The following TENM1 variants were observed in gnomAD, a reference collection of about 807,000 sequenced individuals.
The protein encoded by TENM1 is teneurin-1.
A neutral mutation model predicts 174.8 loss-of-function variants in TENM1; 35 were observed. The observed-to-expected ratio is 0.20, with a 90% confidence interval of 0.15 to 0.27. The LOEUF is 0.27. TENM1 is among the 10% of genes least tolerant of loss of function. The pLI is 1.00. For synonymous variants in TENM1, 781 were observed against 798.7 expected, an observed-to-expected ratio of 0.98 and a Z score of 0.37; for missense variants, 1,633 against 2,130.1, an observed-to-expected ratio of 0.77 and a Z score of 4.59.
the TENM1 span, among the ~76,000 whole-genome samples, chrX:125,069,035 G>A: frequency 1.8e-5 from 2 of 111,322 alleles, no homozygotes; most frequent in Non-Finnish European, 3.8e-5. Flanking sequence ...TTTAGATGCA[G>A]GGGATACATG....
At chrX:125,053,924 C>A in the TENM1 span, among the ~76,000 whole-genome samples, 1 of 111,600 alleles carries the variant, frequency 9.0e-6, no homozygotes, top group Non-Finnish European at 1.9e-5. Context: ...CACCCACGCT[C>A]TAAACCACTA....
Position 124,520,787 on chromosome X carries a change from GAAAT to G in TENM1, c.3034-7_3034-4del. ...ATGGGAATTTCCTCCTGTACAACCT[GAAAT>G]AAAAAAAAAAAAAAAAAGCCAAATA... On this transcript the variant is annotated splice_polypyrimidine_tract_variant and splice_region_variant and intron_variant, in intron 17 of 31. Coordinates refer to ENST00000422452, the Ensembl canonical transcript of TENM1. 2.9e-6 allele frequency: 3 copies of G among 1,035,314 alleles called. No individual in the cohort carries two copies. Among genetic ancestry groups the G allele is most frequent in the Middle Eastern group, 3.1e-4 (1 of 3,269 alleles). The allele number at this position is 1,035,314 out of a possible 1,213,427, so 85.3% of individuals were successfully genotyped here.
At chrX:124,963,773 G>A in exon 1 of TENM1, 1 of 1,175,497 alleles carries the variant, frequency 8.5e-7, no homozygotes, top group Admixed American at 2.3e-5. Flanking sequence ...AGCAAGCTCA[G>A]TTTCATGAAA....
the TENM1 span, among the ~76,000 whole-genome samples, chrX:125,133,730 A>C: frequency 8.9e-6 from 1 of 111,844 alleles, no homozygotes; most frequent in Non-Finnish European, 1.9e-5. Flanking sequence ...CTGTCATCAA[A>C]CTAGAGGTCC....
the TENM1 span, among the ~76,000 whole-genome samples, chrX:125,070,394 T>C: frequency 1.7e-4 from 19 of 111,066 alleles, no homozygotes; most frequent in Admixed American, 1.9e-4. Context: ...TTTTTCCTTG[T>C]TGTTTGAGTT....
chrX:124,736,821 C>T (rs2053682180), intron 4 of TENM1, 136 bp downstream of exon 7: 1 of 842,415 alleles, frequency 1.2e-6, no homozygotes, highest in African/African-American at 2.0e-5. Context: ...TCCTTTTTGC[C>T]CATGCATCTG....
chrX:124,614,880 T>C (rs193148541), intron 11 of TENM1, among the ~76,000 whole-genome samples: 31 of 111,610 alleles, frequency 2.8e-4, no homozygotes, highest in African/African-American at 1.0e-3. Context: ...AAGATCTGTC[T>C]CACACACACA....
chrX:124,705,668 T>G (rs890649836), intron 4 of TENM1, among the ~76,000 whole-genome samples: 1 of 111,682 alleles, frequency 9.0e-6, no homozygotes, highest in Non-Finnish European at 1.9e-5. Flanking sequence ...CTACCAAACT[T>G]TAGAGACTAG....
chrX:125,059,061 A>G, the TENM1 span, among the ~76,000 whole-genome samples: 1 of 108,879 alleles, frequency 9.2e-6, no homozygotes, highest in Non-Finnish European at 1.9e-5. Context: ...CTCTCTTCTT[A>G]CCCCCTCACA....
intron 12 of TENM1, among the ~76,000 whole-genome samples, chrX:124,564,113 G>C (rs1276307137): frequency 8.9e-6 from 1 of 111,828 alleles, no homozygotes; most frequent in Non-Finnish European, 1.9e-5. Flanking sequence ...CTTTAGAAGA[G>C]AGTTCTGGAG....
rs774659138 is a variant in TENM1 at position 124,546,863 on chromosome X, T to C, written c.2651+11A>G. ...ATTGTTCACTAAGGAATAAAATAAATACATATGTACCTGCTGTCAAATGAC... is the reference window on the plus strand; with the variant it reads ...ATTGTTCACTAAGGAATAAAATAAACACATATGTACCTGCTGTCAAATGAC... On this transcript the variant is annotated intron_variant, in intron 15 of 31. Coordinates refer to ENST00000422452, the Ensembl canonical transcript of TENM1. 1 of 1,165,065 alleles carries C rather than the reference T, an allele frequency of 8.6e-7. No homozygotes were observed. Among genetic ancestry groups the C allele is most frequent in the South Asian group, 1.8e-5 (1 of 55,067 alleles).
intron 1 of TENM1, among the ~76,000 whole-genome samples, chrX:124,935,515 T>C (rs2058232241): frequency 8.9e-6 from 1 of 112,456 alleles, no homozygotes; most frequent in Admixed American, 9.4e-5. Flanking sequence ...TATCTGCTTT[T>C]TTTTCAGTCT....
At chrX:124,441,714 G>A (rs1327895233) in intron 23 of TENM1, among the ~76,000 whole-genome samples, 2 of 112,407 alleles carry the variant, frequency 1.8e-5, no homozygotes, top group Non-Finnish European at 3.8e-5. Flanking sequence ...CTCTATTGTT[G>A]TGGTCCAGGC....
chrX:125,044,362 A>T, the TENM1 span, among the ~76,000 whole-genome samples: 1 of 108,875 alleles, frequency 9.2e-6, no homozygotes, highest in African/African-American at 3.3e-5. Context: ...CTGAGGTGGA[A>T]GGATCTCTTG....
chrX:125,158,948 A>C, the TENM1 span, among the ~76,000 whole-genome samples: 1 of 111,913 alleles, frequency 8.9e-6, no homozygotes, highest in Admixed American at 9.5e-5. Flanking sequence ...ACAAAAAAAA[A>C]AACAAGTGCT....
chrX:124,422,209 T>C (rs756072546), intron 24 of TENM1, 63 bp downstream of exon 27: 1 of 1,150,974 alleles, frequency 8.7e-7, no homozygotes, highest in Admixed American at 2.5e-5. Context: ...TTGACTTTAC[T>C]GGGGCACGTT....
At chrX:125,008,470 T>C in the TENM1 span, among the ~76,000 whole-genome samples, 3 of 111,712 alleles carry the variant, frequency 2.7e-5, no homozygotes, top group Non-Finnish European at 5.6e-5. Flanking sequence ...ATTAGACATA[T>C]CAACAAGACA....
At chrX:125,027,304 G>A in the TENM1 span, among the ~76,000 whole-genome samples, 3 of 111,343 alleles carry the variant, frequency 2.7e-5, no homozygotes, top group African/African-American at 9.8e-5. Flanking sequence ...AAAAAGCAAG[G>A]TTCCATTTAC....
At chrX:125,163,534 T>G in the TENM1 span, among the ~76,000 whole-genome samples, 1 of 111,183 alleles carries the variant, frequency 9.0e-6, no homozygotes, top group Admixed American at 9.6e-5. Context: ...AGAAAATAAA[T>G]GTTTAACAAA....
Sources: allele counts gnomAD v4.1 joint callset (sites outside exome capture counted in the v4.1 genomes callset), GRCh38; gene constraint gnomAD v4.1.1; transcripts MANE v1.5; gene names NCBI Gene and HGNC (gene_info 2026-07-23, HGNC 2026-07-21).